DRC9: variants seen among roughly 807,000 people sequenced by gnomAD.
DRC9 encodes the protein dynein regulatory complex subunit 9, also known as dynein regulatory complex protein 9.
At chr3:197,914,042 T>C in the DRC9 span, 1 of 1,613,570 alleles carries the variant, frequency 6.2e-7, no homozygotes. Flanking sequence ...TCATTCTGAC[T>C]CTGTAGTGGA....
chr3:197,932,172 A>T, the DRC9 span: 1 of 1,611,282 alleles, frequency 6.2e-7, no homozygotes, highest in Non-Finnish European at 8.5e-7. Flanking sequence ...CATGACTCTG[A>T]CCTGGCAATG....
the DRC9 span, among the ~76,000 whole-genome samples, chr3:197,932,954 ATAT>A: frequency 1.7e-4 from 19 of 109,898 alleles, no homozygotes; most frequent in East Asian, 8.7e-4. Flanking sequence ...TATATATTAT[ATAT>A]TATTATATAT....
chr3:197,944,584 G>C, the DRC9 span, among the ~76,000 whole-genome samples: 3 of 152,118 alleles, frequency 2.0e-5, no homozygotes, highest in African/African-American at 7.2e-5. Context: ...AAGTAGCTGG[G>C]ACTACAGGCG....
chr3:197,891,515 A>G, the DRC9 span: 7 of 1,600,808 alleles, frequency 4.4e-6, no homozygotes, highest in African/African-American at 6.7e-5. Context: ...TTTCTATACG[A>G]TCTTCAATGA....
chr3:197,912,653 T>C, the DRC9 span: 4 of 1,591,748 alleles, frequency 2.5e-6, no homozygotes, highest in Non-Finnish European at 3.4e-6. Flanking sequence ...AGTCAAAGCA[T>C]AGAAAAGCTG....
chr3:197,941,736 T>C, the DRC9 span, among the ~76,000 whole-genome samples: 1 of 151,210 alleles, frequency 6.6e-6, no homozygotes. Context: ...AATTTTTGTA[T>C]TTTCTTGGTA....
the DRC9 span, among the ~76,000 whole-genome samples, chr3:197,915,895 C>G: frequency 6.6e-6 from 1 of 152,218 alleles, no homozygotes; most frequent in Admixed American, 6.5e-5. Flanking sequence ...TCCCAAAGTG[C>G]TGGGATTACA....
chr3:197,923,620 A>C, the DRC9 span, among the ~76,000 whole-genome samples: 1 of 151,994 alleles, frequency 6.6e-6, no homozygotes, highest in Non-Finnish European at 1.5e-5. Context: ...AGTCCCAGCT[A>C]TCTGGGGGCT....
chr3:197,946,376 A>G, the DRC9 span, among the ~76,000 whole-genome samples: 1 of 143,672 alleles, frequency 7.0e-6, no homozygotes, highest in Admixed American at 7.1e-5. Flanking sequence ...CAGAGCTTGC[A>G]GTGAGCCGAG....
the DRC9 span, chr3:197,912,817 G>A: frequency 2.3e-6 from 3 of 1,305,360 alleles, no homozygotes; most frequent in South Asian, 3.6e-5. Context: ...CTCAAGATGA[G>A]AGCAGCAGCT....
chr3:197,953,758 C>T, the DRC9 span: 1 of 577,006 alleles, frequency 1.7e-6, no homozygotes, highest in Non-Finnish European at 3.1e-6. Flanking sequence ...TATGTATTTT[C>T]CTTAAACTTA....
At chr3:197,913,250 G>C in the DRC9 span, 1 of 185,430 alleles carries the variant, frequency 5.4e-6, no homozygotes, top group African/African-American at 2.4e-5. Flanking sequence ...TGCCCAGGCT[G>C]GCTTCAAACT....
chr3:197,956,013 T>C, the DRC9 span: 14 of 510,938 alleles, frequency 2.7e-5, no homozygotes, highest in Non-Finnish European at 4.6e-5. Flanking sequence ...CTGTTGCCCA[T>C]GCTGGAGTGT....
the DRC9 span, chr3:197,951,256 G>A: frequency 6.2e-7 from 1 of 1,614,160 alleles, no homozygotes. Flanking sequence ...TTACGCCCGA[G>A]ATGAAACAGA....
At chr3:197,902,542 G>A in the DRC9 span, among the ~76,000 whole-genome samples, 5 of 151,948 alleles carry the variant, frequency 3.3e-5, no homozygotes, top group Admixed American at 3.3e-4. Flanking sequence ...AAAAGAAGCA[G>A]AAACTCTTGA....
the DRC9 span, chr3:197,960,091 C>G: frequency 9.9e-4 from 738 of 746,746 alleles, 3 homozygotes; most frequent in Middle Eastern, 4.3e-3. Flanking sequence ...TCGCCGCCCT[C>G]ATCTTCTGCG....
chr3:197,925,931 A>G, the DRC9 span: 4 of 780,446 alleles, frequency 5.1e-6, no homozygotes, highest in Non-Finnish European at 9.2e-6. Flanking sequence ...AATCTTTTAC[A>G]TGTAACTCTT....
the DRC9 span, among the ~76,000 whole-genome samples, chr3:197,940,524 G>A: frequency 6.6e-6 from 1 of 151,974 alleles, no homozygotes; most frequent in Non-Finnish European, 1.5e-5. Context: ...AAATGTATCT[G>A]GAGATGGCCT....
the DRC9 span, among the ~76,000 whole-genome samples, chr3:197,904,110 AT>A: frequency 0.18 from 14,265 of 80,442 alleles, 1,019 homozygotes; most frequent in Middle Eastern, 0.31. Context: ...ATATATATAT[AT>A]TTTTTTTTTT....
Sources: allele counts gnomAD v4.1 joint callset (sites outside exome capture counted in the v4.1 genomes callset), GRCh38; gene constraint gnomAD v4.1.1; transcripts MANE v1.5; gene names NCBI Gene and HGNC (gene_info 2026-07-23, HGNC 2026-07-21).